RIOK3: variants seen among roughly 807,000 people sequenced by gnomAD.
RIOK3 encodes serine/threonine-protein kinase RIO3.
A neutral mutation model predicts 63.5 loss-of-function variants in RIOK3; 40 were observed. The observed-to-expected ratio is 0.63, with a 90% CI of 0.49 to 0.82. The LOEUF is 0.82. Ranked by LOEUF, RIOK3 falls within the 40% of genes least tolerant of loss-of-function variation. The pLI is 0.00. For missense variants in RIOK3, 557 were observed against 637.0 expected, an observed-to-expected ratio of 0.87 and a Z score of 1.35; for synonymous variants, 193 against 205.0, an observed-to-expected ratio of 0.94 and a Z score of 0.50.
In RIOK3 at chr18:23,481,195, TGAA is replaced by T. The variant is rs749572953; in HGVS notation, c.1479_1481del (p.Glu493del). ...AGATAGAAGCTTTGGAGAAAATGAA[TGAA>T]GATCACGTTCAGAAGAATGGAAGGA... On this transcript the variant is annotated inframe_deletion, in exon 13 of 13. Coordinates refer to ENST00000339486, the MANE Select transcript of RIOK3 (RefSeq NM_003831.5). 3 of 1,611,680 alleles carry T rather than the reference TGAA, an allele frequency of 1.9e-6. No individual in the cohort carries two copies. The highest frequency in any genetic ancestry group is 1.7e-6 in the Non-Finnish European group (2 of 1,178,296).
At chr18:23,474,790 A>G (rs896451487) in intron 8 of RIOK3, among the ~76,000 whole-genome samples, 158 bp from the exon 9 acceptor site, 4 of 152,112 alleles carry the variant, frequency 2.6e-5, no homozygotes, top group African/African-American at 4.8e-5. Context: ...TGAGCTCTCT[A>G]TGGGCAGAGG....
intron 11 of RIOK3, 105 bp downstream of exon 11, chr18:23,477,373 G>A: frequency 1.2e-6 from 1 of 863,554 alleles, no homozygotes; most frequent in Admixed American, 1.8e-5. Context: ...GAAATTGAAG[G>A]AAGGGATACG....
chr18:23,456,434 C>A (rs1446701338), intron 1 of RIOK3: 1 of 151,916 alleles, frequency 6.6e-6, no homozygotes, highest in East Asian at 1.9e-4. Flanking sequence ...AGTTGATATA[C>A]AACCTCCCCG....
intron 1 of RIOK3, among the ~76,000 whole-genome samples, chr18:23,460,408 G>T (rs1261537677): frequency 6.6e-6 from 1 of 152,168 alleles, no homozygotes; most frequent in African/African-American, 2.4e-5. Context: ...GTGCAGCCTG[G>T]CATTGCCTTG....
Position 23,475,040 on chromosome 18 carries a change from C to T in RIOK3, c.1106C>T (p.Ala369Val), listed in dbSNP as rs2057480088. The change falls in exon 9 of 13, where the codon GCC becomes GTC. Residue 369 changes from alanine (A) to valine (V), a missense_variant. Physicochemically the swap from Ala to Val is moderately conservative, Grantham distance 64. Around this residue, in one of 3 missense-constraint regions of RIOK3, gnomAD observed 309 missense variants for 338.7 expected, o/e 0.91. Transcript: ENST00000339486. The stretch of plus-strand genomic sequence containing the variant: ...TTTATTGGCCATGATCAAGTTCCAG[C>T]CCCTAAATTAAAAGAAGTAAAGCTC... ...MSFIGHDQVP[A>V]PKLKEVKLNS... 1 of 1,612,688 alleles carries T rather than the reference C, an allele frequency of 6.2e-7. No individual in the cohort carries two copies.
chr18:23,475,941 CTTTTTTTTT>C (rs374984418), intron 9 of RIOK3, among the ~76,000 whole-genome samples: 1 of 80,024 alleles, frequency 1.2e-5, no homozygotes, highest in African/African-American at 4.6e-5. Context: ...TTTTTTGGGG[CTTTTTTTTT>C]TTTTTTTTTT....
Position 23,466,149 on chromosome 18 carries a change from A to G in RIOK3, c.560A>G (p.Gln187Arg). ...ARMENFAPEF[Q>R]VGDGIGMDLK... ...TTTTGGCAGTTTGCACCTGAGTTTC[A>G]GGTAGGAGATGGAATTGGAATGGAT... Residue 187 changes from glutamine to arginine, a missense_variant, in exon 6 of 13, where the codon CAG becomes CGG. Coordinates refer to ENST00000339486, the MANE Select transcript of RIOK3 (RefSeq NM_003831.5). 2 of 1,596,984 alleles carry G rather than the reference A, an allele frequency of 1.3e-6. No individual in the cohort carries two copies. Among genetic ancestry groups the G allele is most frequent in the Non-Finnish European group, 1.7e-6 (2 of 1,173,802 alleles).
At position 23,481,503 on chromosome 18, in the gene RIOK3, C is replaced by A. The variant is rs979556775; in HGVS notation, c.*224C>A. The A allele has an allele frequency of 1.2e-5, 5 of 402,540 alleles. No homozygotes were observed. The highest frequency in any genetic ancestry group is 8.4e-5 in the Admixed American group (2 of 23,748). The allele number at this position is 402,540 out of a possible 1,614,324, so 24.9% of individuals were successfully genotyped here. A position where few individuals can be genotyped will look rare whatever the true frequency, so the allele number is the denominator to read the frequency against. On this transcript the variant is annotated 3_prime_UTR_variant, in exon 13 of 13. Coordinates refer to ENST00000339486, the MANE Select transcript of RIOK3 (RefSeq NM_003831.5). ...ATCTTATGAACAGGATAATATAATT[C>A]TTTAACAGCTATAGGTTATCTGGCT...
At chr18:23,462,127 T>G (rs1568380912) in intron 1 of RIOK3, among the ~76,000 whole-genome samples, 1 of 129,016 alleles carries the variant, frequency 7.8e-6, no homozygotes, top group South Asian at 2.5e-4. Flanking sequence ...AAAAAATGTG[T>G]TGTTTGTTCT....
chr18:23,468,280 A>G (rs1205743167), intron 7 of RIOK3, among the ~76,000 whole-genome samples: 1 of 127,122 alleles, frequency 7.9e-6, no homozygotes, highest in Admixed American at 8.0e-5. Flanking sequence ...TTTCTGTTAT[A>G]CTCAATATAC....
At chr18:23,463,524 C>G (rs1002997788) in intron 2 of RIOK3, among the ~76,000 whole-genome samples, 4 of 151,880 alleles carry the variant, frequency 2.6e-5, no homozygotes, top group Non-Finnish European at 5.9e-5. Flanking sequence ...ATTCTCCTGC[C>G]TCAGCCTCTC....
In RIOK3 at chr18:23,464,084, A is replaced by C; in HGVS notation, c.297A>C (p.Glu99Asp). The change falls in exon 3 of 13, where the codon GAA becomes GAC. Residue 99 changes from glutamate (E) to aspartate (D), a missense_variant. Glu to Asp is a conservative substitution (Grantham distance 45). Around this residue, in one of 3 missense-constraint regions of RIOK3, gnomAD observed 243 missense variants for 275.4 expected, o/e 0.88. Coordinates refer to ENST00000339486, the MANE Select transcript of RIOK3 (RefSeq NM_003831.5). ...AATATGATGCACAGCTTAGGCGTGA[A>C]GAAAAAAAATTCAATGGAGATAGCA... ...DREYDAQLRR[E>D]EKKFNGDSKV... 1 of 1,611,880 alleles carries C rather than the reference A, an allele frequency of 6.2e-7. No homozygotes were observed. The highest frequency in any genetic ancestry group is 8.5e-7 in the Non-Finnish European group (1 of 1,179,288).
chr18:23,473,358 T>C, intron 7 of RIOK3, 71 bp from the exon 8 acceptor site: 1 of 898,594 alleles, frequency 1.1e-6, no homozygotes. Flanking sequence ...TGTTACAGAA[T>C]CTTTATTTTG....
At chr18:23,462,170 C>T (rs2057376494) in intron 1 of RIOK3, among the ~76,000 whole-genome samples, 1 of 108,866 alleles carries the variant, frequency 9.2e-6, no homozygotes, top group African/African-American at 3.4e-5. Context: ...CAGGGGGTCT[C>T]ATTCTGTCAC....
At chr18:23,463,263 C>T in intron 2 of RIOK3, 184 bp downstream of exon 2, 1 of 480,696 alleles carries the variant, frequency 2.1e-6, no homozygotes, top group Non-Finnish European at 3.7e-6. Context: ...CTTGGACAAA[C>T]CACTGTTTCT....
intron 8 of RIOK3, among the ~76,000 whole-genome samples, chr18:23,474,290 G>C (rs2057475032): frequency 6.6e-6 from 1 of 152,094 alleles, no homozygotes. Flanking sequence ...CTACTTGGGA[G>C]GCTGAGATGG....
At chr18:23,465,110 G>A (rs2057397865) in intron 5 of RIOK3, among the ~76,000 whole-genome samples, 1 of 152,194 alleles carries the variant, frequency 6.6e-6, no homozygotes, top group Non-Finnish European at 1.5e-5. Flanking sequence ...GGAGGCTCAT[G>A]CCTGTAATCC....
intron 1 of RIOK3, among the ~76,000 whole-genome samples, chr18:23,458,636 C>T (rs1419820428): frequency 3.9e-5 from 6 of 152,250 alleles, no homozygotes; most frequent in African/African-American, 9.6e-5. Flanking sequence ...TTATGGAGGG[C>T]GTTTCCCCCA....
chr18:23,470,283 G>A (rs182995320), intron 7 of RIOK3, among the ~76,000 whole-genome samples: 2,546 of 150,902 alleles, frequency 0.017, 42 homozygotes, highest in Middle Eastern at 0.068. Context: ...GGAGAATGGC[G>A]TGAACCTGGG....
Sources: gnomAD v4.1 joint callset for allele counts (sites outside exome capture counted in the v4.1 genomes callset) on GRCh38, gnomAD v4.1.1 for gene constraint, gnomAD v4.1.1 regional missense constraint, MANE v1.5 for transcripts, NCBI Gene and HGNC (gene_info 2026-07-23, HGNC 2026-07-21) for gene names.